Variants in ZPBP observed in about 807,000 individuals in gnomAD.
The protein encoded by ZPBP is zona pellucida binding protein.
Under a neutral mutation model 44.8 loss-of-function variants are expected in ZPBP, and 26 were observed. The ratio of observed to expected loss-of-function variants is 0.58; its 90% confidence interval spans 0.43 to 0.81. ZPBP has a LOEUF of 0.81. Ranked by LOEUF, ZPBP falls within the 30% of genes least tolerant of loss-of-function variation. ZPBP has a pLI of 0.00. For synonymous variants in ZPBP, 174 were observed against 153.2 expected, an observed-to-expected ratio of 1.14 and a Z score of -1.00; for missense variants, 409 against 434.0, an observed-to-expected ratio of 0.94 and a Z score of 0.51.
downstream of ZPBP, among the ~76,000 whole-genome samples, chr7:49,846,457 C>T (rs1036142491): frequency 1.3e-5 from 2 of 152,200 alleles, no homozygotes; most frequent in Non-Finnish European, 2.9e-5. Context: ...TTCTCCCTCA[C>T]TTCCACGTCT....
chr7:50,040,460 G>C (rs1183203214), intron 4 of ZPBP, among the ~76,000 whole-genome samples: 1 of 152,168 alleles, frequency 6.6e-6, no homozygotes, highest in Non-Finnish European at 1.5e-5. Flanking sequence ...TCCAACTGAG[G>C]TACCTGGTTC....
chr7:49,915,837 C>A (rs919566530), intron 1 of ZPBP: 25 of 152,212 alleles, frequency 1.6e-4, no homozygotes, highest in African/African-American at 5.5e-4. Flanking sequence ...ATCAGATGTA[C>A]AAATAAGCAT....
intron 4 of ZPBP, among the ~76,000 whole-genome samples, chr7:50,038,672 A>G (rs1799930715): frequency 6.6e-6 from 1 of 152,198 alleles, no homozygotes; most frequent in Non-Finnish European, 1.5e-5. Context: ...ATATACAGTC[A>G]TGTGCTGCAT....
At chr7:49,945,838 T>C (rs965794654) in intron 7 of ZPBP, among the ~76,000 whole-genome samples, 2 of 152,158 alleles carry the variant, frequency 1.3e-5, no homozygotes, top group Non-Finnish European at 1.5e-5. Context: ...TTATATTCCA[T>C]GTTATTACTC....
intron 6 of ZPBP, among the ~76,000 whole-genome samples, chr7:49,987,728 T>TG (rs1797362143): frequency 6.9e-6 from 1 of 145,544 alleles, no homozygotes; most frequent in African/African-American, 2.6e-5. Flanking sequence ...TATATATGTG[T>TG]TGTGTGTGTG....
intron 4 of ZPBP, among the ~76,000 whole-genome samples, chr7:50,050,392 T>C (rs1370077919): frequency 6.6e-6 from 1 of 151,900 alleles, no homozygotes; most frequent in East Asian, 1.9e-4. Flanking sequence ...GTAGAGGAGG[T>C]ATAAAACTAT....
At chr7:49,986,666 T>C (rs1419765133) in intron 6 of ZPBP, among the ~76,000 whole-genome samples, 1 of 152,120 alleles carries the variant, frequency 6.6e-6, no homozygotes, top group African/African-American at 2.4e-5. Flanking sequence ...AGGTCAAGAG[T>C]TAACTTTTAT....
rs1271660836 is a variant in ZPBP at position 49,981,645 on chromosome 7, A to T, written c.961+1697T>A. Among the ~76,000 whole-genome samples, 579 of 90,754 alleles carry T rather than the reference A, an allele frequency of 6.4e-3. 190 individuals are homozygous for T. The highest frequency in any genetic ancestry group is 0.02 in the African/African-American group (429 of 21,772). The allele number at this position is 90,754 out of a possible 152,430, so 59.5% of individuals were successfully genotyped here. ...TATTATATTATATTATATATTATAT[A>T]ATATCTTGATATAAAATATATATTA... On this transcript the variant is annotated intron_variant, in intron 7 of 7. Transcript: ENST00000046087.
At chr7:49,931,120 C>T (rs191708192) in intron 1 of ZPBP, among the ~76,000 whole-genome samples, 21 of 152,296 alleles carry the variant, frequency 1.4e-4, no homozygotes, top group East Asian at 5.8e-4. Flanking sequence ...AGGGCTTCCC[C>T]GCCATGTGGA....
At chr7:49,895,808 GTTAA>G (rs1274617608) in intron 2 of ZPBP, among the ~76,000 whole-genome samples, 7 of 152,028 alleles carry the variant, frequency 4.6e-5, no homozygotes, top group Non-Finnish European at 5.9e-5. Context: ...TATAATCAAT[GTTAA>G]TTAATTAAGA....
At chr7:50,015,989 T>C (rs1798803042) in intron 6 of ZPBP, among the ~76,000 whole-genome samples, 1 of 152,168 alleles carries the variant, frequency 6.6e-6, no homozygotes, top group Non-Finnish European at 1.5e-5. Flanking sequence ...TTAGCCACTG[T>C]GGGAAGCAGT....
chr7:49,933,939 T>G (rs113701473), downstream of ZPBP, among the ~76,000 whole-genome samples: 15 of 149,586 alleles, frequency 1.0e-4, no homozygotes, highest in African/African-American at 3.5e-4. Context: ...CATTAGGAGA[T>G]ATACCTAATA....
At chr7:49,987,412 A>G (rs1003750172) in intron 6 of ZPBP, among the ~76,000 whole-genome samples, 6 of 152,164 alleles carry the variant, frequency 3.9e-5, no homozygotes, top group Admixed American at 2.0e-4. Flanking sequence ...AGAGGCCCCA[A>G]GATGATTTCT....
intron 6 of ZPBP, among the ~76,000 whole-genome samples, chr7:49,998,268 G>A (rs1797942656): frequency 6.6e-6 from 1 of 152,164 alleles, no homozygotes; most frequent in Non-Finnish European, 1.5e-5. Flanking sequence ...AGTTCAATTT[G>A]CTTTGTAATT....
intron 4 of ZPBP, among the ~76,000 whole-genome samples, chr7:50,042,890 A>T (rs1258973150): frequency 6.6e-6 from 1 of 152,062 alleles, no homozygotes; most frequent in Non-Finnish European, 1.5e-5. Flanking sequence ...GAGATTCAAG[A>T]CCCATCTGTT....
chr7:49,979,853 TATATAATATA>T (rs56107100), intron 7 of ZPBP, among the ~76,000 whole-genome samples: 2 of 117,286 alleles, frequency 1.7e-5, no homozygotes, highest in Admixed American at 1.2e-4. Context: ...ATATAAAATA[TATATAATATA>T]ATATAATATA....
intron 1 of ZPBP, among the ~76,000 whole-genome samples, chr7:49,930,272 A>C (rs1794402359): frequency 1.3e-5 from 2 of 152,162 alleles, no homozygotes; most frequent in Admixed American, 1.3e-4. Context: ...ACAAAACCAA[A>C]TTGTAACTGA....
chr7:49,886,965 GT>G (rs1562753354), intron 2 of ZPBP, among the ~76,000 whole-genome samples: 1 of 151,208 alleles, frequency 6.6e-6, no homozygotes, highest in Non-Finnish European at 1.5e-5. Context: ...GACTTGTCTT[GT>G]TTGCCTTTAC....
At chr7:49,963,140 A>G (rs562836172) in intron 7 of ZPBP, among the ~76,000 whole-genome samples, 1 of 148,312 alleles carries the variant, frequency 6.7e-6, no homozygotes, top group Non-Finnish European at 1.5e-5. Context: ...GTGCAAATTA[A>G]TAATACTATA....
Sources: allele counts gnomAD v4.1 joint callset (sites outside exome capture counted in the v4.1 genomes callset), GRCh38; gene constraint gnomAD v4.1.1; transcripts MANE v1.5; gene names NCBI Gene and HGNC (gene_info 2026-07-23, HGNC 2026-07-21).